Variants in NWD2 observed in about 807,000 individuals in gnomAD.
The protein encoded by NWD2 is NACHT and WD repeat domain-containing protein 2.
NWD2 carries 37 observed loss-of-function variants against 132.7 expected under a neutral mutation model. The ratio of observed to expected loss-of-function variants is 0.28; its 90% confidence interval spans 0.21 to 0.37. The LOEUF (loss-of-function observed/expected upper bound fraction) is 0.37. NWD2 is among the 10% of genes least tolerant of loss of function. NWD2 has a pLI of 1.00. For synonymous variants in NWD2, 705 were observed against 803.0 expected, an observed-to-expected ratio of 0.88 and a Z score of 2.06; for missense variants, 1,592 against 2,122.4, an observed-to-expected ratio of 0.75 and a Z score of 4.91.
intron 2 of NWD2, among the ~76,000 whole-genome samples, chr4:37,346,238 C>T (rs1285638282): frequency 6.6e-6 from 1 of 152,008 alleles, no homozygotes; most frequent in Non-Finnish European, 1.5e-5. Context: ...GTGAATATTC[C>T]AGTTGCCCCA....
intron 3 of NWD2, among the ~76,000 whole-genome samples, chr4:37,402,969 G>C (rs900480285): frequency 6.6e-6 from 1 of 152,142 alleles, no homozygotes; most frequent in African/African-American, 2.4e-5. Flanking sequence ...TGATTACTAA[G>C]AGGTCCCAAC....
chr4:37,275,366 C>A (rs1311058432), intron 1 of NWD2, among the ~76,000 whole-genome samples: 2 of 152,214 alleles, frequency 1.3e-5, no homozygotes, highest in East Asian at 3.9e-4. Context: ...ATCCAACTTA[C>A]AAGGGATGTG....
At chr4:37,309,505 C>T (rs1233840465) in intron 1 of NWD2, among the ~76,000 whole-genome samples, 1 of 152,026 alleles carries the variant, frequency 6.6e-6, no homozygotes, top group Non-Finnish European at 1.5e-5. Context: ...AGAAGCAGGC[C>T]CTTTGGGGCT....
chr4:37,359,653 G>T (rs1253148096), intron 3 of NWD2, among the ~76,000 whole-genome samples: 1 of 152,070 alleles, frequency 6.6e-6, no homozygotes, highest in Non-Finnish European at 1.5e-5. Context: ...TAGCCTTTAT[G>T]TTAGGTCCAA....
intron 3 of NWD2, among the ~76,000 whole-genome samples, chr4:37,387,483 A>C (rs1254884325): frequency 6.6e-6 from 1 of 151,692 alleles, no homozygotes; most frequent in Non-Finnish European, 1.5e-5. Context: ...TCCTGCAATC[A>C]ACTCCATCAA....
intron 3 of NWD2, among the ~76,000 whole-genome samples, chr4:37,395,446 A>G (rs189936334): frequency 6.6e-6 from 1 of 151,500 alleles, no homozygotes; most frequent in African/African-American, 2.4e-5. Context: ...CTCACTTTCA[A>G]GTAGTAAGTC....
intron 3 of NWD2, among the ~76,000 whole-genome samples, chr4:37,358,383 G>A (rs538261536): frequency 2.0e-5 from 3 of 152,256 alleles, no homozygotes; most frequent in African/African-American, 2.4e-5. Flanking sequence ...CCGAAAAACA[G>A]TGTCCTGTGG....
intron 3 of NWD2, among the ~76,000 whole-genome samples, chr4:37,364,357 G>A (rs1720048623): frequency 6.6e-6 from 1 of 152,122 alleles, no homozygotes; most frequent in Non-Finnish European, 1.5e-5. Flanking sequence ...CCCTAGAAGA[G>A]CCAAGCCTGA....
At chr4:37,305,426 G>A (rs1577661838) in intron 1 of NWD2, among the ~76,000 whole-genome samples, 1 of 152,112 alleles carries the variant, frequency 6.6e-6, no homozygotes, top group African/African-American at 2.4e-5. Flanking sequence ...CTACTACATG[G>A]TCGGGCTGCA....
chr4:37,403,729 G>A (rs908957114), intron 3 of NWD2, among the ~76,000 whole-genome samples: 1 of 152,130 alleles, frequency 6.6e-6, no homozygotes, highest in Non-Finnish European at 1.5e-5. Flanking sequence ...CAAACATGGG[G>A]TTCACATTTG....
intron 1 of NWD2, among the ~76,000 whole-genome samples, chr4:37,273,900 A>G (rs1035536345): frequency 5.9e-5 from 9 of 152,152 alleles, no homozygotes; most frequent in Non-Finnish European, 1.2e-4. Flanking sequence ...AAGACACAAC[A>G]TACCAGAATC....
chr4:37,312,856 T>C (rs148829210), intron 1 of NWD2, among the ~76,000 whole-genome samples: 2 of 151,088 alleles, frequency 1.3e-5, no homozygotes, highest in Non-Finnish European at 2.9e-5. Flanking sequence ...TTGAATTTTG[T>C]CAAAGACCTT....
At chr4:37,310,644 T>C (rs1577663687) in intron 1 of NWD2, among the ~76,000 whole-genome samples, 1 of 152,048 alleles carries the variant, frequency 6.6e-6, no homozygotes, top group East Asian at 1.9e-4. Context: ...TTTTTAATTA[T>C]TATTATACTT....
intron 3 of NWD2, among the ~76,000 whole-genome samples, chr4:37,390,392 C>A (rs1720659676): frequency 6.8e-6 from 1 of 146,174 alleles, no homozygotes. Flanking sequence ...CACGTGTGTG[C>A]TTGGGCATAA....
intron 1 of NWD2, among the ~76,000 whole-genome samples, chr4:37,290,975 G>A (rs927087441): frequency 6.6e-6 from 1 of 152,138 alleles, no homozygotes; most frequent in Non-Finnish European, 1.5e-5. Flanking sequence ...GGTTTAATGG[G>A]ACTTCTTAAA....
intron 3 of NWD2, among the ~76,000 whole-genome samples, chr4:37,413,255 G>T (rs1015908683): frequency 1.3e-5 from 2 of 152,116 alleles, no homozygotes; most frequent in Non-Finnish European, 2.9e-5. Flanking sequence ...AATCTACAAA[G>T]AACTTAAACA....
intron 2 of NWD2, among the ~76,000 whole-genome samples, chr4:37,326,466 A>G (rs1304708441): frequency 6.6e-6 from 1 of 152,126 alleles, no homozygotes; most frequent in Non-Finnish European, 1.5e-5. Context: ...CACATTGTAG[A>G]ACATCGTTTT....
chr4:37,435,547 A>G (rs1047776545), intron 5 of NWD2, among the ~76,000 whole-genome samples: 1 of 152,118 alleles, frequency 6.6e-6, no homozygotes. Flanking sequence ...TATCAAAGAC[A>G]GAACAACCCT....
Position 37,325,418 on chromosome 4 carries a change from A to G in NWD2, c.152-518A>G, listed in dbSNP as rs1185546883. Among the ~76,000 whole-genome samples the G allele has an allele frequency of 2.0e-5, 3 of 152,288 alleles. No homozygotes were observed. In the East Asian group the frequency reaches 5.8e-4, roughly 29 times the overall value. On this transcript the variant is annotated intron_variant, in intron 1 of 6. Coordinates refer to ENST00000309447, the MANE Select transcript of NWD2 (RefSeq NM_001144990.2). ...GGTGGATCTGCTATGATAGGTTTTC[A>G]TGCTTGTTTCCATACTGTGCCAAAT...
Sources: allele counts gnomAD v4.1 joint callset (sites outside exome capture counted in the v4.1 genomes callset), GRCh38; gene constraint gnomAD v4.1.1; transcripts MANE v1.5; gene names NCBI Gene and HGNC (gene_info 2026-07-23, HGNC 2026-07-21).